The following SLC44A2 variants were observed in gnomAD, a reference collection of about 807,000 sequenced individuals.
The protein encoded by SLC44A2 is choline transporter-like protein 2.
SLC44A2 carries 57 observed loss-of-function variants against 90.8 expected under a neutral mutation model. The ratio of observed to expected loss-of-function variants is 0.63; its 90% CI spans 0.51 to 0.78. The LOEUF is 0.78. Ranked by LOEUF, SLC44A2 falls within the 30% of genes least tolerant of loss-of-function variation. SLC44A2 has a pLI of 0.00. For synonymous variants in SLC44A2, 355 were observed against 360.7 expected (o/e 0.98, Z 0.18); for missense variants, 794 against 919.7 (o/e 0.86, Z 1.77).
chr19:10,627,967 C>A lies in SLC44A2; in HGVS notation c.208C>A (p.Arg70=), dbSNP rs200290054. 11 of 1,613,834 alleles carry A rather than the reference C, an allele frequency of 6.8e-6. No homozygotes were observed. Among genetic ancestry groups the A allele is most frequent in the Non-Finnish European group, 8.5e-6 (10 of 1,179,916 alleles). The change falls in exon 4 of 22, where the codon CGG becomes AGG. Residue 70 remains arginine, a synonymous_variant. Transcript: ENST00000335757. Reference sequence around the variant, plus strand: ...AAAGGTGATCTACCCCACTGACAGCCGGGGCGAGTTCTGCGGGCAGAAGGG... The same window carrying A: ...AAAGGTGATCTACCCCACTGACAGCAGGGGCGAGTTCTGCGGGCAGAAGGG... The part of the protein sequence containing the change: ...PRKVIYPTDS[R]GEFCGQKGTK...
chr19:10,627,808 T>C lies in SLC44A2; in HGVS notation c.160+13T>C, dbSNP rs1179044560. 6.2e-7 allele frequency: 1 copy of C among 1,613,948 alleles called. No individual in the cohort carries two copies. Among genetic ancestry groups the C allele is most frequent in the African/African-American group, 1.3e-5 (1 of 74,902 alleles). On this transcript the variant is annotated intron_variant, in intron 3 of 21. Transcript: ENST00000335757. ...GTAGGCATCATAGGTGAGTAGAGAA[T>C]GAGCAGGACTTGGAGTTGCAGGGTA...
rs187875241 is a variant in SLC44A2 at position 10,637,139 on chromosome 19, T to C, written c.1591+383T>C. 865 of 228,912 alleles carry C rather than the reference T, an allele frequency of 3.8e-3. 3 individuals carry two copies. The highest frequency in any genetic ancestry group is 5.1e-3 in the Middle Eastern group (3 of 584). The allele number at this position is 228,912 out of a possible 1,614,324, so 14.2% of individuals were successfully genotyped here. A position where few individuals can be genotyped will look rare whatever the true frequency, so the allele number is the denominator to read the frequency against. On this transcript the variant is annotated intron_variant, in intron 16 of 21. Coordinates refer to ENST00000335757, the MANE Select transcript of SLC44A2 (RefSeq NM_020428.4). ...GGGAGGCTGAGGCGAGCGGATCACC[T>C]GAGGTCAGGAGACCAGCCTGGCCAA...
upstream of SLC44A2, among the ~76,000 whole-genome samples, chr19:10,620,726 T>C (rs1347221562): frequency 6.6e-6 from 1 of 151,950 alleles, no homozygotes; most frequent in East Asian, 1.9e-4. Flanking sequence ...AATAAGCAAA[T>C]GTCTAACATG....
chr19:10,639,634 T>C (rs1217355206), intron 20 of SLC44A2, among the ~76,000 whole-genome samples: 2 of 152,068 alleles, frequency 1.3e-5, no homozygotes, highest in Non-Finnish European at 2.9e-5. Flanking sequence ...ATCCCAGCAC[T>C]TTGGGAGGCT....
chr19:10,627,702 A>G lies in SLC44A2; in HGVS notation c.87-20A>G, dbSNP rs1834886610. On this transcript the variant is annotated intron_variant, in intron 2 of 21. Transcript: ENST00000335757. The stretch of plus-strand genomic sequence containing the variant: ...ACACAGCACCAAGCCTCCTCCAAAC[A>G]CTGCCCCTCTGCTCCCCAGGGGCTG... The G allele has an allele frequency of 6.2e-7, 1 of 1,612,174 alleles. No homozygotes were observed. Among genetic ancestry groups the G allele is most frequent in the South Asian group, 1.1e-5 (1 of 90,994 alleles).
chr19:10,608,241 A>G (rs1378495988), intron 1 of SLC44A2, among the ~76,000 whole-genome samples: 5 of 145,722 alleles, frequency 3.4e-5, no homozygotes, highest in Non-Finnish European at 7.6e-5. Flanking sequence ...AAAAAAAAAA[A>G]GGAGAGACAG....
chr19:10,631,727 A>G lies in SLC44A2; in HGVS notation c.604A>G (p.Thr202Ala). 6.2e-7 allele frequency: 1 copy of G among 1,613,268 alleles called. No individual in the cohort carries two copies. The highest frequency in any genetic ancestry group is 8.5e-7 in the Non-Finnish European group (1 of 1,180,032). Residue 202 changes from threonine to alanine, a missense_variant, in exon 8 of 22, where the codon ACA becomes GCA. This residue lies in a region of SLC44A2 where 738 missense variants were observed against 841.1 expected (regional missense o/e 0.88). Transcript: ENST00000335757. ...EDGHGSRKNI[T>A]DLVEGAKKAN... Reference sequence around the variant, plus strand: ...TGGGCATGGCTCCCGGAAAAACATCACAGACCTGGTGGAGGGCGCCAAGTG... The same window carrying G: ...TGGGCATGGCTCCCGGAAAAACATCGCAGACCTGGTGGAGGGCGCCAAGTG...
At chr19:10,620,196 A>G (rs1599236726) in intron 1 of SLC44A2, among the ~76,000 whole-genome samples, 1 of 151,672 alleles carries the variant, frequency 6.6e-6, no homozygotes, top group Admixed American at 6.6e-5. Context: ...ACAAAAAAAA[A>G]ATTACTGGGC....
upstream of SLC44A2, among the ~76,000 whole-genome samples, chr19:10,623,728 CGCCCAGGCTGGAGT>C (rs2066908447): frequency 6.7e-6 from 1 of 149,974 alleles, no homozygotes; most frequent in Non-Finnish European, 1.5e-5. Context: ...CTCGCTCTGT[CGCCCAGGCTGGAGT>C]ACAGTGGCAT....
chr19:10,642,932 C>T (rs1273754634), intron 21 of SLC44A2: 11 of 1,594,530 alleles, frequency 6.9e-6, no homozygotes, highest in Non-Finnish European at 9.3e-6. Context: ...CTCTCAGGAG[C>T]GACCCTACTT....
rs368656733 is a variant in SLC44A2, at chr19:10,625,687, G to T, written c.37+17G>T. The T allele has an allele frequency of 8.0e-7, 1 of 1,248,406 alleles. No individual in the cohort carries two copies. The highest frequency in any genetic ancestry group is 3.8e-5 in the South Asian group (1 of 26,238). 77.3% of individuals were successfully genotyped at this position (1,248,406 alleles called of 1,614,324 possible). ...GGAAACACGGTAGGCAGCGACCCCC[G>T]CCCGTAGCCCCGGGCCGACCCCTCG... On this transcript the variant is annotated intron_variant, in intron 1 of 21. Transcript: ENST00000335757.
chr19:10,614,289 C>A (rs2066837580), intron 1 of SLC44A2, among the ~76,000 whole-genome samples: 1 of 151,994 alleles, frequency 6.6e-6, no homozygotes, highest in Non-Finnish European at 1.5e-5. Context: ...TTTTTTAAGC[C>A]ACCAAGGCAT....
rs764313413 is a variant in SLC44A2 at position 10,635,060 on chromosome 19, A to G, written c.1042A>G (p.Lys348Glu). The change falls in exon 12 of 22, where the codon AAA becomes GAA. Residue 348 changes from lysine to glutamate, a missense_variant. Lys to Glu is a moderately conservative substitution (Grantham distance 56). This residue lies in a region of SLC44A2 where 738 missense variants were observed against 841.1 expected (regional missense o/e 0.88). Transcript: ENST00000335757. ...KRILIAIALI[K>E]EASRAVGYVM... ...AATTCTCATCGCGATTGCACTCATCAAAGAAGCCAGCAGGTGGGGGGCCAG... is the reference window on the plus strand; with the variant it reads ...AATTCTCATCGCGATTGCACTCATCGAAGAAGCCAGCAGGTGGGGGGCCAG... The G allele has an allele frequency of 8.7e-6, 14 of 1,614,162 alleles. No homozygotes were observed. The Admixed American group carries it at 1.7e-4, about 19-fold the overall frequency.
In SLC44A2 at chr19:10,635,002, TATC is replaced by T. The variant is rs1329351830; in HGVS notation, c.988_990del (p.Ile330del). 1 of 1,614,138 alleles carries T rather than the reference TATC, an allele frequency of 6.2e-7. No individual in the cohort carries two copies. The highest frequency in any genetic ancestry group is 8.5e-7 in the Non-Finnish European group (1 of 1,180,032). On this transcript the variant is annotated inframe_deletion, in exon 12 of 22. Transcript: ENST00000335757. ...TCATTCTGAGTATCCTTGAAGTCAT[TATC>T]ATCTTGCTGCTCATCTTTCTCCGGA...
chr19:10,636,948 A>G (rs957977196), intron 16 of SLC44A2, 192 bp downstream of exon 16: 1 of 605,652 alleles, frequency 1.7e-6, no homozygotes, highest in Non-Finnish European at 2.8e-6. Flanking sequence ...CAGAGAACCT[A>G]CTGGGTGGAA....
In SLC44A2 at chr19:10,641,739, C is replaced by T. The variant is rs144322811; in HGVS notation, c.1930-628C>T. ...TGCACATCTGTAATCCCAACTACTC[C>T]GGAGGCTGAGGCGGGAGGATCACTT... On this transcript the variant is annotated intron_variant, in intron 20 of 21. Transcript: ENST00000335757. 4.4e-3 allele frequency among the ~76,000 whole-genome samples: 674 copies of T among 151,676 alleles called. 8 individuals carry two copies. The highest frequency in any genetic ancestry group is 0.015 in the East Asian group (79 of 5,112).
At chr19:10,637,612 C>G (rs1042229290) in intron 16 of SLC44A2, 32 bp from the exon 17 acceptor site, 1 of 1,599,094 alleles carries the variant, frequency 6.3e-7, no homozygotes, top group Non-Finnish European at 8.6e-7. Flanking sequence ...CTGGTGTCCC[C>G]TCACTTCCAC....
At chr19:10,603,319 G>T (rs762368278) in intron 1 of SLC44A2, among the ~76,000 whole-genome samples, 1 of 152,110 alleles carries the variant, frequency 6.6e-6, no homozygotes, top group Non-Finnish European at 1.5e-5. Flanking sequence ...TTCCCACGGT[G>T]GGAGGAGTTG....
chr19:10,633,412 G>T (rs1461143582), intron 10 of SLC44A2, among the ~76,000 whole-genome samples: 1 of 150,350 alleles, frequency 6.7e-6, no homozygotes, highest in Non-Finnish European at 1.5e-5. Context: ...TGCCTGCCTC[G>T]ACCTCCCAAA....
Sources: allele counts gnomAD v4.1 joint callset (sites outside exome capture counted in the v4.1 genomes callset), GRCh38; gene constraint gnomAD v4.1.1; regional missense constraint gnomAD v4.1.1; transcripts MANE v1.5; gene names NCBI Gene and HGNC (gene_info 2026-07-23, HGNC 2026-07-21).